The following PALM3 variants were observed in gnomAD, a reference collection of about 807,000 sequenced individuals.
PALM3 encodes the protein paralemmin 3.
Under a neutral mutation model 27.9 loss-of-function variants are expected in PALM3, and 20 were observed. That is an observed-to-expected ratio of 0.72 (90% CI 0.50 to 1.04). The LOEUF is 1.04. PALM3 is among the 50% of genes least tolerant of loss of function. The probability of loss-of-function intolerance (pLI) is 0.00; values close to 1 mark genes in which losing one functional copy is unlikely to be tolerated. For missense variants in PALM3, 814 were observed against 869.4 expected, an observed-to-expected ratio of 0.94 and a Z score of 0.80; for synonymous variants, 328 against 352.7, an observed-to-expected ratio of 0.93 and a Z score of 0.79.
In PALM3 at chr19:14,053,748, C is replaced by T. The variant is rs1314333932; in HGVS notation, c.1924G>A (p.Gly642Arg). The change falls in exon 7 of 7, where the codon GGG becomes AGG. Residue 642 changes from glycine to arginine, a missense_variant. By Grantham distance (125) the Gly-to-Arg change is moderately radical. Coordinates refer to ENST00000669674, the MANE Select transcript of PALM3 (RefSeq NM_001145028.2). ...QPAECQPLLQ[G>R]EGPSANPSAH... ...CTGGGGTTGGCGCTGGGCCCCTCCC[C>T]CTGAAGCAGTGGCTGGCATTCGGCG... 2 of 1,534,474 alleles carry T rather than the reference C, an allele frequency of 1.3e-6. No homozygotes were observed. Among genetic ancestry groups the T allele is most frequent in the East Asian group, 4.9e-5 (2 of 40,904 alleles).
intron 1 of PALM3, among the ~76,000 whole-genome samples, chr19:14,059,623 C>T (rs1210737965): frequency 3.9e-5 from 6 of 152,076 alleles, no homozygotes; most frequent in Admixed American, 6.6e-5. Flanking sequence ...CCTGCAGAAA[C>T]TCTCAAATGC....
intron 2 of PALM3, 142 bp downstream of exon 2, chr19:14,058,973 C>T: frequency 3.0e-6 from 2 of 656,690 alleles, no homozygotes; most frequent in Non-Finnish European, 4.7e-6. Context: ...AACTGGGGGG[C>T]AGAGGGGGCT....
In PALM3 at chr19:14,054,547, C is replaced by T. The variant is rs1465221174; in HGVS notation, c.1125G>A (p.Gly375=). 3 of 1,551,684 alleles carry T rather than the reference C, an allele frequency of 1.9e-6. No individual in the cohort carries two copies. The highest frequency in any genetic ancestry group is 2.7e-5 in the African/African-American group (2 of 72,988). The change falls in exon 7 of 7, where the codon GGG becomes GGA. Residue 375 remains glycine, a synonymous_variant. Transcript: ENST00000669674. ...SEEWEELLVE[G]LEGPEVAGRE... Reference sequence around the variant, plus strand: ...TCCCTGCCACCTCGGGCCCTTCCAACCCCTCCACCAGCAGCTCCTCCCACT... The same window carrying T: ...TCCCTGCCACCTCGGGCCCTTCCAATCCCTCCACCAGCAGCTCCTCCCACT...
chr19:14,056,578 G>A (rs1056757283), intron 4 of PALM3, 65 bp from the exon 5 acceptor site: 4 of 1,549,890 alleles, frequency 2.6e-6, no homozygotes, highest in Non-Finnish European at 3.5e-6. Context: ...AGACTCAAGC[G>A]ACCACCTCCT....
intron 5 of PALM3, among the ~76,000 whole-genome samples, chr19:14,056,013 A>AT (rs1248197722): frequency 2.0e-5 from 3 of 152,100 alleles, no homozygotes. Flanking sequence ...GGTTCAAGTG[A>AT]TTCTCCTACC....
At chr19:14,061,687 G>C (rs1218298137) in intron 1 of PALM3, among the ~76,000 whole-genome samples, 2 of 152,112 alleles carry the variant, frequency 1.3e-5, no homozygotes, top group African/African-American at 4.8e-5. Context: ...TGGACTTTGG[G>C]TTCTCAGCCC....
rs544114930 is a variant in PALM3 at position 14,053,584 on chromosome 19, A to G, written c.*21T>C. 11 of 1,444,802 alleles carry G rather than the reference A, an allele frequency of 7.6e-6. No homozygotes were observed. The highest frequency in any genetic ancestry group is 1.0e-5 in the Non-Finnish European group (11 of 1,097,248). The allele number at this position is 1,444,802 out of a possible 1,614,324, so 89.5% of individuals were successfully genotyped here. ...GAGGTAGCTGTGAGAGGAGCTGGAC[A>G]TGGGGTGGAGGGGCATGGGTTCACA... On this transcript the variant is annotated 3_prime_UTR_variant, in exon 7 of 7. Transcript: ENST00000669674.
chr19:14,055,642 C>T (rs550510286), intron 5 of PALM3, among the ~76,000 whole-genome samples: 1 of 152,202 alleles, frequency 6.6e-6, no homozygotes, highest in Non-Finnish European at 1.5e-5. Flanking sequence ...ATACTGCATT[C>T]CCATAGCCAA....
Position 14,054,021 on chromosome 19 carries a change from C to T in PALM3, c.1651G>A (p.Gly551Arg). Residue 551 changes from glycine (G) to arginine (R), a missense_variant, in exon 7 of 7, where the codon GGA becomes AGA. Physicochemically the swap from Gly to Arg is moderately radical, Grantham distance 125 (BLOSUM62 -2). Coordinates refer to ENST00000669674, the MANE Select transcript of PALM3 (RefSeq NM_001145028.2). ...GACCCTTGTTCTAGATTCAGATCTC[C>T]CTCCGTCCCTTGGGTCTTCTCTGTC... ...LETEKTQGTE[G>R]DLNLEQGSRE... 6.4e-7 allele frequency: 1 copy of T among 1,551,722 alleles called. No homozygotes were observed. Among genetic ancestry groups the T allele is most frequent in the South Asian group, 1.2e-5 (1 of 84,064 alleles).
At position 14,053,806 on chromosome 19, in the gene PALM3, A is replaced by G. The variant is rs768694192; in HGVS notation, c.1866T>C (p.Pro622=). 4.5e-6 allele frequency: 7 copies of G among 1,546,158 alleles called. No individual in the cohort carries two copies. Among genetic ancestry groups the G allele is most frequent in the Non-Finnish European group, 5.2e-6 (6 of 1,144,586 alleles). The change falls in exon 7 of 7, where the codon CCT becomes CCC. Residue 622 remains proline, a synonymous_variant. Transcript: ENST00000669674. ...CTGGGGCTGGGGTCTCTGCCAGAAG[A>G]GGTGTGGCATCCCCCAAGGGGCCTT... ...EGQGPLGDAT[P]LLAETPAPEQ...
chr19:14,054,511 T>C lies in PALM3; in HGVS notation c.1161A>G (p.Gly387=). 2 of 1,550,892 alleles carry C rather than the reference T, an allele frequency of 1.3e-6. No homozygotes were observed. Among genetic ancestry groups the C allele is most frequent in the Non-Finnish European group, 8.7e-7 (1 of 1,146,718 alleles). Residue 387 remains glycine, a synonymous_variant, in exon 7 of 7, where the codon GGA becomes GGG. Coordinates refer to ENST00000669674, the MANE Select transcript of PALM3 (RefSeq NM_001145028.2). ...CCTCGGCCCCCAGCGGGCTTTCATC[T>C]CCTCTCTCCCTCCCTGCCACCTCGG... ...EGPEVAGRER[G]DESPLGAEGA... is the part of the protein sequence containing the mutation.
chr19:14,055,569 G>T, intron 5 of PALM3, 144 bp from the exon 6 acceptor site: 1 of 785,142 alleles, frequency 1.3e-6, no homozygotes, highest in Non-Finnish European at 2.1e-6. Context: ...TTGTACCTCT[G>T]CCTTCCTCAT....
At chr19:14,057,960 T>C (rs1976341791) in intron 2 of PALM3, among the ~76,000 whole-genome samples, 1 of 151,922 alleles carries the variant, frequency 6.6e-6, no homozygotes, top group Admixed American at 6.6e-5. Context: ...ATACAAAAAT[T>C]AGCTGGGCGT....
rs1976315570 is a variant in PALM3, at chr19:14,056,905, C to T, written c.172-101G>A. 1.5e-5 allele frequency: 19 copies of T among 1,230,490 alleles called. No individual in the cohort carries two copies. In the South Asian group the frequency reaches 2.4e-4, roughly 15 times the overall value. The allele number at this position is 1,230,490 out of a possible 1,614,324, so 76.2% of individuals were successfully genotyped here. ...AGGCTGGGCAGGTATCTTATCACCA[C>T]CTCACAACCAGTTGCGACATACATC... is the stretch of plus-strand genomic sequence containing the variant. On this transcript the variant is annotated intron_variant, in intron 3 of 6. Transcript: ENST00000669674.
chr19:14,056,634 C>T (rs1028696421), intron 4 of PALM3, 28 bp downstream of exon 4: 24 of 1,551,612 alleles, frequency 1.5e-5, no homozygotes, highest in Non-Finnish European at 2.0e-5. Context: ...GGGCAGGGTT[C>T]GGGCAGAGCT....
At position 14,053,781 on chromosome 19, in the gene PALM3, C is replaced by T. The variant is rs1045806255; in HGVS notation, c.1891G>A (p.Glu631Lys). Residue 631 changes from glutamate to lysine, a missense_variant, in exon 7 of 7, where the codon GAG (glutamate) becomes AAG (lysine). Coordinates refer to ENST00000669674, the MANE Select transcript of PALM3 (RefSeq NM_001145028.2). The part of the protein sequence containing the change: ...TPLLAETPAP[E>K]QPAECQPLLQ... ...AGTGGCTGGCATTCGGCGGGCTGCT[C>T]TGGGGCTGGGGTCTCTGCCAGAAGA... The T allele has an allele frequency of 1.9e-6, 3 of 1,541,176 alleles. No homozygotes were observed. Among genetic ancestry groups the T allele is most frequent in the Middle Eastern group, 1.7e-4 (1 of 5,920 alleles).
At chr19:14,057,639 G>C (rs1403593612) in intron 2 of PALM3, 1 of 242,556 alleles carries the variant, frequency 4.1e-6, no homozygotes, top group Non-Finnish European at 7.6e-6. Context: ...CGGGCGGAGT[G>C]GGGGGGGCGG....
intron 5 of PALM3, among the ~76,000 whole-genome samples, chr19:14,055,870 C>A (rs1362088002): frequency 6.6e-6 from 1 of 152,184 alleles, no homozygotes. Flanking sequence ...CCTGTCTCAG[C>A]CTCCCTAGTA....
At position 14,054,056 on chromosome 19, in the gene PALM3, T is replaced by C. The variant is rs770902168; in HGVS notation, c.1616A>G (p.Glu539Gly). 1 of 1,551,696 alleles carries C rather than the reference T, an allele frequency of 6.4e-7. No homozygotes were observed. The highest frequency in any genetic ancestry group is 8.7e-7 in the Non-Finnish European group (1 of 1,146,960). ...TTGGGTCTTCTCTGTCTCCAATGAT[T>C]CCTCACCTCCCCTTTTCTCTGCCTC... The part of the protein sequence containing the change: ...TLEAEKRGGE[E>G]SLETEKTQGT... The change falls in exon 7 of 7, where the codon GAA (glutamate) becomes GGA (glycine). Residue 539 changes from glutamate (E) to glycine (G), a missense_variant. Glu to Gly is a moderately conservative substitution (Grantham distance 98). Transcript: ENST00000669674.
Sources: gnomAD v4.1 joint callset for allele counts (sites outside exome capture counted in the v4.1 genomes callset) on GRCh38, gnomAD v4.1.1 for gene constraint, MANE v1.5 for transcripts, NCBI Gene and HGNC (gene_info 2026-07-23, HGNC 2026-07-21) for gene names.